CSGALNACT1: variants seen among roughly 807,000 people sequenced by gnomAD.
CSGALNACT1 encodes beta4GalNAcT-1.
In CSGALNACT1, 52 loss-of-function variants were observed where a neutral mutation model predicts 51.0. The ratio of observed to expected loss-of-function variants is 1.02; its 90% CI spans 0.82 to 1.29. The LOEUF (loss-of-function observed/expected upper bound fraction) is 1.29, where lower values mean the gene tolerates loss of function less well. Among genes scored for constraint, CSGALNACT1 ranks in the 50% most tolerant of loss-of-function variants. The pLI is 0.00. For missense variants in CSGALNACT1, 935 were observed against 679.2 expected (o/e 1.38, Z -4.19); for synonymous variants, 341 against 254.4 (o/e 1.34, Z -3.24).
chr8:19,696,960 T>A (rs1252853258), intron 1 of CSGALNACT1, among the ~76,000 whole-genome samples: 1 of 152,018 alleles, frequency 6.6e-6, no homozygotes, highest in African/African-American at 2.4e-5. Context: ...CGTGATTTGG[T>A]GTAGCTCAAA....
chr8:19,712,920 C>T (rs1189349117), intron 1 of CSGALNACT1, among the ~76,000 whole-genome samples: 2 of 152,060 alleles, frequency 1.3e-5, no homozygotes, highest in Non-Finnish European at 2.9e-5. Context: ...CCTGGTGGAC[C>T]CTATGCAGAA....
intron 1 of CSGALNACT1, among the ~76,000 whole-genome samples, chr8:19,661,413 G>A (rs187271222): frequency 4.6e-4 from 70 of 152,276 alleles, no homozygotes; most frequent in African/African-American, 1.7e-3. Context: ...TGACGAAAGG[G>A]ATTTATTAAA....
chr8:19,570,016 T>G (rs2042670062), intron 3 of CSGALNACT1, among the ~76,000 whole-genome samples: 1 of 152,026 alleles, frequency 6.6e-6, no homozygotes, highest in Admixed American at 6.6e-5. Context: ...AGATGTCTGA[T>G]TAGATTAGAG....
intron 3 of CSGALNACT1, among the ~76,000 whole-genome samples, chr8:19,540,415 GCTCA>G (rs2084830761): frequency 6.6e-6 from 1 of 152,140 alleles, no homozygotes; most frequent in South Asian, 2.1e-4. Flanking sequence ...TACCCCATCG[GCTCA>G]CTGTGTGGAT....
Position 19,598,445 on chromosome 8 carries a change from A to G in CSGALNACT1, c.-416+3326T>C, listed in dbSNP as rs891373349. Among the ~76,000 whole-genome samples, 6 of 152,318 alleles carry G rather than the reference A, an allele frequency of 3.9e-5. No individual in the cohort carries two copies. The South Asian group carries it at 1.2e-3, about 32-fold the overall frequency. The stretch of plus-strand genomic sequence containing the variant: ...TATTTTAAAAGTCTAAAACACATCC[A>G]AAGGAAGGCCACTTTATAAAATCCA... On this transcript the variant is annotated intron_variant, in intron 2 of 9. Transcript: ENST00000454498.
chr8:19,453,973 AT>A (rs2063633943), intron 5 of CSGALNACT1, among the ~76,000 whole-genome samples: 3 of 152,126 alleles, frequency 2.0e-5, no homozygotes, highest in African/African-American at 7.2e-5. Flanking sequence ...GATGAGACAT[AT>A]CCTGATTAAG....
At position 19,445,944 on chromosome 8, in the gene CSGALNACT1, G is replaced by C. The variant is rs376103987; in HGVS notation, c.852-6013C>G. Among the ~76,000 whole-genome samples, 66 of 152,318 alleles carry C rather than the reference G, an allele frequency of 4.3e-4. 1 individual carries two copies. Among genetic ancestry groups the C allele is most frequent in the African/African-American group, 1.5e-3 (62 of 41,568 alleles). On this transcript the variant is annotated intron_variant, in intron 5 of 9. Transcript: ENST00000454498. ...AATCTCAGCACTTTGAGAGGCCGAG[G>C]CAGGAGGATCACTTGAGGTCAGGAG... is the stretch of plus-strand genomic sequence containing the variant.
intron 4 of CSGALNACT1, among the ~76,000 whole-genome samples, chr8:19,501,667 A>G (rs147887093): frequency 1.8e-4 from 27 of 152,344 alleles, no homozygotes; most frequent in African/African-American, 6.3e-4. Flanking sequence ...ATTGTGAAAG[A>G]GAGTTCGGAA....
intron 2 of CSGALNACT1, among the ~76,000 whole-genome samples, chr8:19,597,209 T>C (rs1162324660): frequency 6.6e-6 from 1 of 152,016 alleles, no homozygotes; most frequent in African/African-American, 2.4e-5. Flanking sequence ...TTCCATTGTA[T>C]GGATATACAT....
At chr8:19,515,665 C>T (rs1273579123) in intron 3 of CSGALNACT1, among the ~76,000 whole-genome samples, 4 of 152,190 alleles carry the variant, frequency 2.6e-5, no homozygotes, top group Non-Finnish European at 5.9e-5. Flanking sequence ...AATGAAAGCA[C>T]ACTGATCACA....
chr8:19,408,522 A>G lies in CSGALNACT1; in HGVS notation c.1309+91T>C, dbSNP rs534950754. 40 of 824,510 alleles carry G rather than the reference A, an allele frequency of 4.9e-5. No homozygotes were observed. In the Middle Eastern group the frequency reaches 8.8e-4, roughly 18 times the overall value. 51.1% of individuals were successfully genotyped at this position (824,510 alleles called of 1,614,324 possible). On this transcript the variant is annotated intron_variant, in intron 9 of 9. Coordinates refer to ENST00000454498, the Ensembl canonical transcript of CSGALNACT1. ...TGAAGGCAATGGTACCACCTTCCCAACCAGACTCCTTGGAAACCCTACTTG... is the reference window on the plus strand; with the variant it reads ...TGAAGGCAATGGTACCACCTTCCCAGCCAGACTCCTTGGAAACCCTACTTG...
intron 1 of CSGALNACT1, among the ~76,000 whole-genome samples, chr8:19,666,760 G>GAAAGAAAGAAAGAAAGAAAGAAAGAAAGA (rs1554794191): frequency 7.1e-5 from 4 of 56,634 alleles, no homozygotes; most frequent in Non-Finnish European, 9.6e-5. Flanking sequence ...AAGAAAGAAA[G>GAAAGAAAGAAAGAAAGAAAGAAAGAAAGA]AAGAAAGAAA....
chr8:19,663,637 T>C (rs961734290), intron 1 of CSGALNACT1, among the ~76,000 whole-genome samples: 1 of 152,172 alleles, frequency 6.6e-6, no homozygotes, highest in African/African-American at 2.4e-5. Context: ...ATTTGAGGAA[T>C]GATTACCAAT....
chr8:19,561,950 C>T (rs995574706), intron 3 of CSGALNACT1, among the ~76,000 whole-genome samples: 1 of 152,152 alleles, frequency 6.6e-6, no homozygotes, highest in African/African-American at 2.4e-5. Context: ...CTGCATTTCT[C>T]ACCCTTGAAC....
At chr8:19,603,800 T>C (rs985341634), upstream of CSGALNACT1, among the ~76,000 whole-genome samples, 1 of 152,084 alleles carries the variant, frequency 6.6e-6, no homozygotes, top group Non-Finnish European at 1.5e-5. Context: ...AGGGGGGAAA[T>C]CTACATAATC....
upstream of CSGALNACT1, among the ~76,000 whole-genome samples, chr8:19,685,726 T>C (rs1478256018): frequency 6.6e-6 from 1 of 152,178 alleles, no homozygotes; most frequent in Non-Finnish European, 1.5e-5. Flanking sequence ...ATCCTGCTTC[T>C]AGGCCATCAT....
chr8:19,607,982 A>AG (rs1001856411), intron 1 of CSGALNACT1, among the ~76,000 whole-genome samples: 5 of 150,362 alleles, frequency 3.3e-5, no homozygotes, highest in African/African-American at 1.2e-4. Context: ...GCTTAAAAAG[A>AG]GAACTACTAT....
At chr8:19,742,033 G>C (rs1232274947) in intron 1 of CSGALNACT1, among the ~76,000 whole-genome samples, 1 of 152,192 alleles carries the variant, frequency 6.6e-6, no homozygotes, top group Non-Finnish European at 1.5e-5. Context: ...ACTATAAAGA[G>C]AGGATAATGG....
chr8:19,551,835 T>A (rs2088193269), intron 3 of CSGALNACT1, among the ~76,000 whole-genome samples: 2 of 152,188 alleles, frequency 1.3e-5, no homozygotes, highest in South Asian at 4.1e-4. Context: ...TTTTTACCTA[T>A]CATGTTCAGT....
Sources: allele counts gnomAD v4.1 joint callset (sites outside exome capture counted in the v4.1 genomes callset), GRCh38; gene constraint gnomAD v4.1.1; transcripts MANE v1.5; gene names NCBI Gene and HGNC (gene_info 2026-07-23, HGNC 2026-07-21).